Variants in EXOC6B observed in about 807,000 individuals in gnomAD.
The protein encoded by EXOC6B is SEC15 homolog B.
A neutral mutation model predicts 113.5 loss-of-function variants in EXOC6B; 54 were observed. The ratio of observed to expected loss-of-function variants is 0.48; its 90% CI spans 0.38 to 0.60. The LOEUF is 0.60. Among genes scored for constraint, EXOC6B ranks in the 20% least tolerant of loss-of-function variants. EXOC6B has a pLI of 0.00. For missense variants in EXOC6B, 797 were observed against 977.5 expected (o/e 0.82, Z 2.46); for synonymous variants, 357 against 339.0 (o/e 1.05, Z -0.58).
intron 8 of EXOC6B, among the ~76,000 whole-genome samples, chr2:72,545,357 TA>T (rs1204805661): frequency 2.6e-5 from 4 of 151,580 alleles, no homozygotes; most frequent in African/African-American, 4.8e-5. Flanking sequence ...GTATTTCATT[TA>T]AAAAAAAATC....
chr2:72,756,734 A>T (rs1362931566), intron 1 of EXOC6B, among the ~76,000 whole-genome samples: 1 of 152,150 alleles, frequency 6.6e-6, no homozygotes, highest in African/African-American at 2.4e-5. Flanking sequence ...ACATGAAGCA[A>T]CCTTTTTCAC....
At chr2:72,608,665 A>G (rs1254785531) in intron 6 of EXOC6B, among the ~76,000 whole-genome samples, 1 of 152,306 alleles carries the variant, frequency 6.6e-6, no homozygotes, top group East Asian at 1.9e-4. Context: ...AAATTTCTTA[A>G]AACTAAATGT....
Position 72,626,863 on chromosome 2 carries a change from A to G in EXOC6B, c.670-51195T>C, listed in dbSNP as rs958022294. ...TATATTTGTTAGCCACCTAATATAT[A>G]TTCAGTCTTATGCTGTGGGCTAAAG... On this transcript the variant is annotated intron_variant, in intron 6 of 21. Transcript: ENST00000272427. Among the ~76,000 whole-genome samples the G allele has an allele frequency of 2.0e-5, 3 of 152,168 alleles. No homozygotes were observed. The South Asian group carries it at 6.2e-4, about 32-fold the overall frequency.
chr2:72,221,634 G>T (rs1344595834), intron 20 of EXOC6B, among the ~76,000 whole-genome samples: 1 of 152,124 alleles, frequency 6.6e-6, no homozygotes, highest in Non-Finnish European at 1.5e-5. Context: ...ACTCCATGAG[G>T]TCAGGAATCT....
rs549508772 is a variant in EXOC6B at position 72,536,003 on chromosome 2, T to C, written c.916-20877A>G. On this transcript the variant is annotated intron_variant, in intron 8 of 21. Coordinates refer to ENST00000272427, the MANE Select transcript of EXOC6B (RefSeq NM_015189.3). The stretch of plus-strand genomic sequence containing the variant: ...CCTTTTGACAAATACTAATGGGATA[T>C]CTCTGATAATATGACACTCAAGCAG... Among the ~76,000 whole-genome samples the C allele has an allele frequency of 1.1e-4, 17 of 152,238 alleles. No homozygotes were observed. The South Asian group carries it at 3.5e-3, about 32-fold the overall frequency.
intron 20 of EXOC6B, among the ~76,000 whole-genome samples, chr2:72,256,123 G>T (rs966196529): frequency 6.6e-6 from 1 of 152,154 alleles, no homozygotes; most frequent in East Asian, 1.9e-4. Context: ...TATAAAGACC[G>T]AGGGAGAGAT....
At chr2:72,392,262 T>G (rs2105116351) in intron 18 of EXOC6B, among the ~76,000 whole-genome samples, 1 of 152,298 alleles carries the variant, frequency 6.6e-6, no homozygotes, top group African/African-American at 2.4e-5. Flanking sequence ...ATACCAGGAC[T>G]AAGAAGCTGG....
intron 20 of EXOC6B, among the ~76,000 whole-genome samples, chr2:72,270,342 G>A (rs538812787): frequency 2.0e-5 from 3 of 152,182 alleles, no homozygotes; most frequent in South Asian, 2.1e-4. Flanking sequence ...GAAGGCAAGC[G>A]TCCCAAACAA....
At chr2:72,300,834 T>A (rs1342407043) in intron 20 of EXOC6B, among the ~76,000 whole-genome samples, 1 of 152,100 alleles carries the variant, frequency 6.6e-6, no homozygotes, top group African/African-American at 2.4e-5. Context: ...CCACCCTGCT[T>A]CAAATTACCC....
In EXOC6B at chr2:72,367,938, C is replaced by T. The variant is rs144681104; in HGVS notation, c.2122+11791G>A. 1.2e-3 allele frequency among the ~76,000 whole-genome samples: 190 copies of T among 152,236 alleles called. 1 individual carries two copies. The highest frequency in any genetic ancestry group is 4.2e-3 in the African/African-American group (176 of 41,520). On this transcript the variant is annotated intron_variant, in intron 19 of 21. Transcript: ENST00000272427. ...CATTGCCACAGGCCAACATGCTCTG[C>T]GGTCTTGAGTAAACTTGAAAGACAG...
At position 72,825,853 on chromosome 2, in the gene EXOC6B, G is replaced by C; in HGVS notation, c.58C>G (p.Arg20Gly). 1 of 1,613,454 alleles carries C rather than the reference G, an allele frequency of 6.2e-7. No homozygotes were observed. Among genetic ancestry groups the C allele is most frequent in the Non-Finnish European group, 8.5e-7 (1 of 1,179,674 alleles). Residue 20 changes from arginine to glycine, a missense_variant, in exon 1 of 22, where the codon CGG (arginine) becomes GGG (glycine). Transcript: ENST00000272427. The surrounding 1 kb of genome is among the most constrained non-coding windows in gnomAD (Gnocchi z 4.4). ...GTGCTCTCGATCTCTCGCAGGATCC[G>C]CTCGTGCTCTGCCGCTGTCTCCAGG... ...ESLETAAEHE[R>G]ILREIESTDT... is the part of the protein sequence containing the mutation.
intron 6 of EXOC6B, among the ~76,000 whole-genome samples, chr2:72,699,264 G>A (rs999616722): frequency 1.3e-5 from 2 of 152,138 alleles, no homozygotes; most frequent in Non-Finnish European, 2.9e-5. Context: ...TGGATCACGA[G>A]GTCAGGAGTT....
chr2:72,641,498 C>A (rs1673231908), intron 6 of EXOC6B, among the ~76,000 whole-genome samples: 1 of 152,268 alleles, frequency 6.6e-6, no homozygotes, highest in Non-Finnish European at 1.5e-5. Flanking sequence ...AAGGCAGCAA[C>A]CTGGCAACGG....
chr2:72,419,710 A>G (rs2105255732), intron 18 of EXOC6B, among the ~76,000 whole-genome samples: 1 of 152,322 alleles, frequency 6.6e-6, no homozygotes, highest in African/African-American at 2.4e-5. Context: ...CAAGTCACTT[A>G]TCTCTTGCTA....
intron 6 of EXOC6B, among the ~76,000 whole-genome samples, chr2:72,707,110 CA>C (rs1357069939): frequency 6.6e-6 from 1 of 152,176 alleles, no homozygotes; most frequent in Non-Finnish European, 1.5e-5. Context: ...GGGACAGAGT[CA>C]AATCATCTTC....
chr2:72,396,318 G>A (rs1221960268), intron 18 of EXOC6B, among the ~76,000 whole-genome samples: 3 of 152,038 alleles, frequency 2.0e-5, no homozygotes, highest in Non-Finnish European at 4.4e-5. Context: ...TTAGAGAAGA[G>A]GAAACCTGAA....
intron 20 of EXOC6B, among the ~76,000 whole-genome samples, chr2:72,229,015 A>T (rs2104458273): frequency 6.6e-6 from 1 of 152,346 alleles, no homozygotes; most frequent in East Asian, 1.9e-4. Context: ...TCTGATGGCC[A>T]GTGATAGTGA....
chr2:72,686,478 T>C (rs1347177772), intron 6 of EXOC6B, among the ~76,000 whole-genome samples: 1 of 152,182 alleles, frequency 6.6e-6, no homozygotes, highest in Admixed American at 6.6e-5. Flanking sequence ...TATCTGATAT[T>C]CCTAAAAGCA....
chr2:72,717,954 A>C lies in EXOC6B; in HGVS notation c.669+149T>G, dbSNP rs11887098. 1.4e-3 allele frequency: 810 copies of C among 565,362 alleles called. 11 individuals carry two copies. The highest frequency in any genetic ancestry group is 0.014 in the African/African-American group (734 of 53,384). 35.0% of individuals were successfully genotyped at this position (565,362 alleles called of 1,614,324 possible). A position where few individuals can be genotyped will look rare whatever the true frequency, so the allele number is the denominator to read the frequency against. On this transcript the variant is annotated intron_variant, in intron 6 of 21. Coordinates refer to ENST00000272427, the MANE Select transcript of EXOC6B (RefSeq NM_015189.3). The stretch of plus-strand genomic sequence containing the variant: ...CTGTTAAAAAAATGAAAACATTTTT[A>C]ATCATATGTTTCCATAAATATGAAG...
Sources: gnomAD v4.1 joint callset for allele counts (sites outside exome capture counted in the v4.1 genomes callset) on GRCh38, gnomAD v4.1.1 for gene constraint, Gnocchi (gnomAD v3.1) non-coding constraint, MANE v1.5 for transcripts, NCBI Gene and HGNC (gene_info 2026-07-23, HGNC 2026-07-21) for gene names.